The following NAV2 variants were observed in gnomAD, a reference collection of about 807,000 sequenced individuals.
The protein encoded by NAV2 is helicase, APC down-regulated 1.
NAV2 carries 54 observed loss-of-function variants against 223.2 expected under a neutral mutation model. The ratio of observed to expected loss-of-function variants is 0.24; its 90% CI spans 0.19 to 0.30. NAV2 has a LOEUF of 0.30. Among genes scored for constraint, NAV2 ranks in the 10% least tolerant of loss-of-function variants. The pLI, the probability that NAV2 is intolerant of heterozygous loss-of-function variation, is 1.00. For synonymous variants in NAV2, 1,279 were observed against 1,239.3 expected, an observed-to-expected ratio of 1.03 and a Z score of -0.67; for missense variants, 2,806 against 3,147.5, an observed-to-expected ratio of 0.89 and a Z score of 2.60.
chr11:19,463,366 G>A (rs77293271), intron 1 of NAV2, among the ~76,000 whole-genome samples: 7,853 of 152,236 alleles, frequency 0.052, 276 homozygotes, highest in Non-Finnish European at 0.079. Flanking sequence ...TGGCCTACCC[G>A]TCTCCACTCT....
At chr11:19,935,851 G>GTTTTTTTTTTTTGTT (rs1555156775) in intron 7 of NAV2, among the ~76,000 whole-genome samples, 5 of 52,702 alleles carry the variant, frequency 9.5e-5, no homozygotes, top group East Asian at 7.8e-4. Context: ...TTTTGTTTCT[G>GTTTTTTTTTTTTGTT]TTTTTTTTTT....
intron 1 of NAV2, among the ~76,000 whole-genome samples, chr11:19,490,304 A>C (rs1161424246): frequency 6.6e-6 from 1 of 152,214 alleles, no homozygotes; most frequent in Non-Finnish European, 1.5e-5. Flanking sequence ...TCTTCCTTTC[A>C]CAAAAGATTT....
intron 1 of NAV2, among the ~76,000 whole-genome samples, chr11:19,743,696 G>A (rs559783903): frequency 9.2e-5 from 14 of 152,360 alleles, no homozygotes; most frequent in South Asian, 4.1e-4. Flanking sequence ...GGAATGTGAC[G>A]GTATCTGGAC....
intron 1 of NAV2, among the ~76,000 whole-genome samples, chr11:19,426,320 G>T (rs1415326117): frequency 6.6e-6 from 1 of 152,138 alleles, no homozygotes; most frequent in African/African-American, 2.4e-5. Flanking sequence ...GCAGTCTCCA[G>T]AGGAATCCAG....
rs757183666 is a variant in NAV2 at position 19,787,270 on chromosome 11, C to CTTTTTTTTTTTTTTT, written c.268-45200_268-45186dup. ...CATGCCTGGCTAATTTTTATTGGAT[C>CTTTTTTTTTTTTTTT]TTTTTTTTTTTTTTTTTTTTTTTTT... is the stretch of plus-strand genomic sequence containing the variant. On this transcript the variant is annotated intron_variant, in intron 1 of 37. Transcript: ENST00000349880. Among the ~76,000 whole-genome samples, 4 of 55,006 alleles carry CTTTTTTTTTTTTTTT rather than the reference C, an allele frequency of 7.3e-5. 2 individuals carry two copies. The highest frequency in any genetic ancestry group is 1.2e-4 in the African/African-American group (2 of 16,138). 36.1% of individuals were successfully genotyped at this position (55,006 alleles called of 152,430 possible).
intron 1 of NAV2, among the ~76,000 whole-genome samples, chr11:19,543,287 T>C (rs1043623497): frequency 6.6e-6 from 1 of 152,216 alleles, no homozygotes; most frequent in Admixed American, 6.5e-5. Flanking sequence ...CTTCCTCTTT[T>C]GGAAGTTTGG....
intron 1 of NAV2, among the ~76,000 whole-genome samples, chr11:19,479,053 C>G (rs2133984888): frequency 6.6e-6 from 1 of 152,238 alleles, no homozygotes; most frequent in East Asian, 1.9e-4. Flanking sequence ...CCCCAGCCAG[C>G]TGGGTGGGGT....
At chr11:20,015,098 A>C (rs1274383556) in intron 11 of NAV2, among the ~76,000 whole-genome samples, 1 of 152,198 alleles carries the variant, frequency 6.6e-6, no homozygotes, top group Non-Finnish European at 1.5e-5. Flanking sequence ...GTCTCAAAAA[A>C]GGTAGTTAAT....
intron 1 of NAV2, among the ~76,000 whole-genome samples, chr11:19,671,040 C>T (rs538020236): frequency 3.3e-5 from 5 of 152,312 alleles, no homozygotes; most frequent in East Asian, 1.9e-4. Flanking sequence ...GTTACACCTC[C>T]GGGGTGCATG....
At chr11:19,378,252 A>G (rs1358125689) in intron 1 of NAV2, among the ~76,000 whole-genome samples, 1 of 152,210 alleles carries the variant, frequency 6.6e-6, no homozygotes, top group Non-Finnish European at 1.5e-5. Flanking sequence ...TCAGGCAAGC[A>G]GAAAACAAGG....
intron 9 of NAV2, 74 bp from the exon 10 acceptor site, chr11:19,948,617 A>T: frequency 1.4e-6 from 2 of 1,425,642 alleles, no homozygotes; most frequent in Admixed American, 4.8e-5. Flanking sequence ...CATAATTCTA[A>T]ATAATTAAAG....
intron 1 of NAV2, among the ~76,000 whole-genome samples, chr11:19,382,997 G>A (rs542686189): frequency 6.6e-6 from 1 of 152,314 alleles, no homozygotes; most frequent in South Asian, 2.1e-4. Context: ...GCTGGGATTG[G>A]ATACGGGATG....
chr11:20,103,767 A>G (rs1253604579), intron 34 of NAV2, 43 bp downstream of exon 34: 6 of 1,571,316 alleles, frequency 3.8e-6, no homozygotes, highest in Non-Finnish European at 5.3e-6. Flanking sequence ...ATGGAATCAC[A>G]AAGAAGAAAA....
chr11:19,537,778 T>C (rs189134503), intron 1 of NAV2, among the ~76,000 whole-genome samples: 2 of 152,368 alleles, frequency 1.3e-5, no homozygotes, highest in African/African-American at 2.4e-5. Flanking sequence ...TGGATTCCAG[T>C]CCCTGCTCTG....
intron 1 of NAV2, among the ~76,000 whole-genome samples, chr11:19,731,246 T>A (rs2051744715): frequency 6.6e-6 from 1 of 152,188 alleles, no homozygotes; most frequent in African/African-American, 2.4e-5. Flanking sequence ...GATGCCACAC[T>A]TAGTAGGTCT....
chr11:19,384,238 A>G (rs1332797527), intron 1 of NAV2, among the ~76,000 whole-genome samples: 1 of 152,272 alleles, frequency 6.6e-6, no homozygotes, highest in Admixed American at 6.5e-5. Flanking sequence ...TAAAATGTTT[A>G]TCTCTATGGA....
intron 1 of NAV2, among the ~76,000 whole-genome samples, chr11:19,588,750 G>A (rs1191259543): frequency 1.3e-5 from 2 of 152,194 alleles, no homozygotes; most frequent in African/African-American, 4.8e-5. Context: ...CTAGGAACAA[G>A]CCAACAATGG....
At chr11:19,540,134 A>C (rs1667151333) in intron 1 of NAV2, among the ~76,000 whole-genome samples, 1 of 152,128 alleles carries the variant, frequency 6.6e-6, no homozygotes, top group Admixed American at 6.5e-5. Context: ...TTTCTTTGTT[A>C]GCTTGCAGAG....
At chr11:19,386,217 A>G (rs1324825272) in intron 1 of NAV2, among the ~76,000 whole-genome samples, 4 of 152,254 alleles carry the variant, frequency 2.6e-5, no homozygotes, top group African/African-American at 7.2e-5. Context: ...GGTGCCCAGC[A>G]TTGAATCAAA....
Sources: allele counts gnomAD v4.1 joint callset (sites outside exome capture counted in the v4.1 genomes callset), GRCh38; gene constraint gnomAD v4.1.1; transcripts MANE v1.5; gene names NCBI Gene and HGNC (gene_info 2026-07-23, HGNC 2026-07-21).